Variants in PCDHA7 observed in about 807,000 individuals in gnomAD.
PCDHA7 encodes protocadherin alpha-7.
Under a neutral mutation model 57.2 loss-of-function variants are expected in PCDHA7, and 37 were observed. That is an observed-to-expected ratio of 0.65 (90% CI 0.50 to 0.85). The LOEUF (loss-of-function observed/expected upper bound fraction) is 0.85, where lower values mean the gene tolerates loss of function less well. PCDHA7 is among the 40% of genes least tolerant of loss of function. The probability of loss-of-function intolerance (pLI) is 0.00; values close to 1 mark genes in which losing one functional copy is unlikely to be tolerated. For synonymous variants in PCDHA7, 553 were observed against 558.8 expected (o/e 0.99, Z 0.15); for missense variants, 1,188 against 1,241.8 (o/e 0.96, Z 0.65).
intron 1 of PCDHA7, among the ~76,000 whole-genome samples, chr5:140,892,881 A>G (rs1562868071): frequency 6.6e-6 from 1 of 152,120 alleles, no homozygotes. Context: ...TTTCGTATCC[A>G]TTAACCAACC....
intron 3 of PCDHA7, among the ~76,000 whole-genome samples, chr5:140,984,004 A>G (rs1039333145): frequency 6.6e-6 from 1 of 152,196 alleles, no homozygotes; most frequent in Admixed American, 6.5e-5. Context: ...TTAGAGAGCT[A>G]ATATTGCCAG....
intron 1 of PCDHA7, among the ~76,000 whole-genome samples, chr5:140,972,883 C>T (rs1020544230): frequency 1.1e-4 from 16 of 151,884 alleles, no homozygotes; most frequent in African/African-American, 1.7e-4. Context: ...AGGATGGTCT[C>T]GATCTCTTGA....
At chr5:140,905,135 T>G (rs2071619691) in intron 1 of PCDHA7, among the ~76,000 whole-genome samples, 1 of 152,208 alleles carries the variant, frequency 6.6e-6, no homozygotes, top group Admixed American at 6.5e-5. Context: ...GAAGAGTTTT[T>G]CTGCTGTTAT....
chr5:140,850,559 C>A, intron 1 of PCDHA7: 3 of 1,598,268 alleles, frequency 1.9e-6, no homozygotes, highest in Non-Finnish European at 2.6e-6. Flanking sequence ...GTGCCACGGG[C>A]CCCGAGGTGA....
rs781815387 is a variant in PCDHA7, at chr5:140,978,983, C to A, written c.2390C>A (p.Ala797Asp). The part of the protein sequence containing the change: ...RQPNPDWRYS[A>D]SLRAGMHSSV... Reference sequence around the variant, plus strand: ...CCCAACCCTGACTGGCGTTACTCTGCCTCCCTGAGAGCAGGCATGCACAGG... The same window carrying A: ...CCCAACCCTGACTGGCGTTACTCTGACTCCCTGAGAGCAGGCATGCACAGG... Residue 797 changes from alanine (A) to aspartate (D), a missense_variant, in exon 2 of 4, where the codon GCC (alanine) becomes GAC (aspartate). By Grantham distance (126) the Ala-to-Asp change is moderately radical. Transcript: ENST00000525929. 1.6e-5 allele frequency: 26 copies of A among 1,614,142 alleles called. No homozygotes were observed. Among genetic ancestry groups the A allele is most frequent in the Non-Finnish European group, 2.2e-5 (26 of 1,180,024 alleles).
At chr5:140,915,028 T>C (rs1583932096) in intron 1 of PCDHA7, among the ~76,000 whole-genome samples, 1 of 150,922 alleles carries the variant, frequency 6.6e-6, no homozygotes, top group Non-Finnish European at 1.5e-5. Context: ...TCACTGCAAC[T>C]TCTGCCTCCT....
chr5:140,850,309 C>A, intron 1 of PCDHA7: 1 of 1,597,088 alleles, frequency 6.3e-7, no homozygotes, highest in Non-Finnish European at 8.6e-7. Context: ...GGCTACAACG[C>A]GTGGCTTTCA....
chr5:140,956,259 A>G (rs534711265), intron 1 of PCDHA7, among the ~76,000 whole-genome samples: 1 of 152,252 alleles, frequency 6.6e-6, no homozygotes, highest in African/African-American at 2.4e-5. Flanking sequence ...GGTTTTGCCC[A>G]TTCAGTGTGG....
At chr5:140,863,765 G>A (rs1385785601) in intron 1 of PCDHA7, 4 of 242,444 alleles carry the variant, frequency 1.6e-5, no homozygotes, top group African/African-American at 4.5e-5. Flanking sequence ...TTGGGAAGCC[G>A]AGGCGGGCGG....
At chr5:140,984,942 A>C (rs1263555467) in intron 3 of PCDHA7, among the ~76,000 whole-genome samples, 1 of 151,954 alleles carries the variant, frequency 6.6e-6, no homozygotes, top group Admixed American at 6.6e-5. Context: ...ATAAATGTCT[A>C]ATCTTTTTTT....
At chr5:140,999,138 C>T (rs530740266) in intron 3 of PCDHA7, among the ~76,000 whole-genome samples, 1 of 152,140 alleles carries the variant, frequency 6.6e-6, no homozygotes, top group Non-Finnish European at 1.5e-5. Flanking sequence ...AATGTCACAG[C>T]CGGAAGTCTT....
At chr5:140,884,122 G>T (rs1212118784) in intron 1 of PCDHA7, 1 of 1,613,188 alleles carries the variant, frequency 6.2e-7, no homozygotes, top group Non-Finnish European at 8.5e-7. Context: ...CGGTCGGCGC[G>T]CGCATCCCGT....
chr5:140,961,760 A>G (rs1563318527), intron 1 of PCDHA7, among the ~76,000 whole-genome samples: 3 of 152,172 alleles, frequency 2.0e-5, no homozygotes. Context: ...TTTTGAAGGA[A>G]TTTATATCAA....
chr5:140,897,629 T>A (rs2066228656), intron 1 of PCDHA7, among the ~76,000 whole-genome samples: 1 of 152,116 alleles, frequency 6.6e-6, no homozygotes, highest in Non-Finnish European at 1.5e-5. Context: ...TACTATTGTG[T>A]ATAGTGCCAC....
At chr5:140,842,532 A>G in intron 1 of PCDHA7, 1 of 1,613,066 alleles carries the variant, frequency 6.2e-7, no homozygotes, top group African/African-American at 1.3e-5. Context: ...TTCAAGAATT[A>G]CTACTCGTTG....
At chr5:140,851,899 C>T (rs1295773158) in intron 1 of PCDHA7, 2 of 973,488 alleles carry the variant, frequency 2.1e-6, no homozygotes, top group African/African-American at 1.8e-5. Flanking sequence ...AGATTTGCCT[C>T]TTTAATGTCA....
Position 140,851,565 on chromosome 5 carries a change from G to A in PCDHA7, c.2355+14827G>A, listed in dbSNP as rs558874725. 1.9e-4 allele frequency: 177 copies of A among 908,116 alleles called. 7 individuals carry two copies. The African/African-American group carries it at 3.0e-3, about 15-fold the overall frequency. The allele number at this position is 908,116 out of a possible 1,614,324, so 56.3% of individuals were successfully genotyped here. ...TTCAAGAAATGTTGACTGAAATTTT[G>A]TCTACACTTAGAACATTTTTTGAAA... On this transcript the variant is annotated intron_variant, in intron 1 of 3. Coordinates refer to ENST00000525929, the MANE Select transcript of PCDHA7 (RefSeq NM_018910.3).
At chr5:140,945,437 A>T (rs2093790061) in intron 1 of PCDHA7, among the ~76,000 whole-genome samples, 1 of 152,192 alleles carries the variant, frequency 6.6e-6, no homozygotes, top group South Asian at 2.1e-4. Context: ...TTTTACAGAA[A>T]TATAAAAAAC....
chr5:140,936,435 TTAAA>T (rs1554210994), intron 1 of PCDHA7, among the ~76,000 whole-genome samples: 2 of 152,222 alleles, frequency 1.3e-5, no homozygotes, highest in African/African-American at 4.8e-5. Flanking sequence ...TAATTTAAGC[TTAAA>T]TAACCACATC....
Sources: allele counts gnomAD v4.1 joint callset (sites outside exome capture counted in the v4.1 genomes callset), GRCh38; gene constraint gnomAD v4.1.1; transcripts MANE v1.5; gene names NCBI Gene and HGNC (gene_info 2026-07-23, HGNC 2026-07-21).